The following SORCS2 variants were observed in gnomAD, a reference collection of about 807,000 sequenced individuals.
SORCS2 encodes VPS10 domain-containing receptor SorCS2.
Under a neutral mutation model 141.6 loss-of-function variants are expected in SORCS2, and 100 were observed. The ratio of observed to expected loss-of-function variants is 0.71; its 90% CI spans 0.60 to 0.83. The LOEUF (loss-of-function observed/expected upper bound fraction) is 0.83, where lower values mean the gene tolerates loss of function less well. Among genes scored for constraint, SORCS2 ranks in the 40% least tolerant of loss-of-function variants. The pLI, the probability that SORCS2 is intolerant of heterozygous loss-of-function variation, is 0.00. For synonymous variants in SORCS2, 789 were observed against 676.9 expected, an observed-to-expected ratio of 1.17 and a Z score of -2.57; for missense variants, 1,646 against 1,560.2, an observed-to-expected ratio of 1.05 and a Z score of -0.93.
At chr4:7,545,037 G>C (rs758341382) in intron 3 of SORCS2, among the ~76,000 whole-genome samples, 1 of 151,990 alleles carries the variant, frequency 6.6e-6, no homozygotes, top group Admixed American at 6.5e-5. Flanking sequence ...TTGGTATACA[G>C]AGCTTTTGTC....
chr4:7,699,174 G>A (rs183528403), intron 12 of SORCS2, among the ~76,000 whole-genome samples: 1 of 152,194 alleles, frequency 6.6e-6, no homozygotes, highest in Non-Finnish European at 1.5e-5. Flanking sequence ...AAAGGGTGAA[G>A]TGGGGACAGG....
chr4:7,442,657 C>T (rs62277605), intron 2 of SORCS2, among the ~76,000 whole-genome samples: 13,917 of 129,522 alleles, frequency 0.11, 1,102 homozygotes, highest in Non-Finnish European at 0.13. Context: ...TCTGCCCTGC[C>T]GCAGAGGTCA....
rs116029190 is a variant in SORCS2, at chr4:7,620,402, G to T, written c.649-17926G>T. ...CATCCTGCTCCTGCCTGCAGCCCACGCTGTGGAGTCCCACCCTGGGGATAC... is the reference window on the plus strand; with the variant it reads ...CATCCTGCTCCTGCCTGCAGCCCACTCTGTGGAGTCCCACCCTGGGGATAC... On this transcript the variant is annotated intron_variant, in intron 3 of 26. Transcript: ENST00000507866. Among the ~76,000 whole-genome samples the T allele has an allele frequency of 2.6e-3, 389 of 152,264 alleles. 4 individuals carry two copies. Among genetic ancestry groups the T allele is most frequent in the Non-Finnish European group, 3.9e-3 (262 of 68,022 alleles).
chr4:7,734,323 T>C lies in SORCS2; in HGVS notation c.3260T>C (p.Phe1087Ser), dbSNP rs536926497. 28 of 1,601,176 alleles carry C rather than the reference T, an allele frequency of 1.7e-5. No homozygotes were observed. In the East Asian group the frequency reaches 5.6e-4, roughly 32 times the overall value. ...GGCTACTGGGCGGTAGTGGTGCTGT[T>C]TGTCATCGGGCTCTTCGCAGCGGGA... ...GGGYWAVVVL[F>S]VIGLFAAGAF... Residue 1087 changes from phenylalanine (F) to serine (S), a missense_variant, in exon 25 of 27, where the codon TTT becomes TCT. By Grantham distance (155) the Phe-to-Ser change is radical. Coordinates refer to ENST00000507866, the MANE Select transcript of SORCS2 (RefSeq NM_020777.3).
In SORCS2 at chr4:7,446,993, C is replaced by T. The variant is rs367576188; in HGVS notation, c.548+50638C>T. 3.9e-5 allele frequency among the ~76,000 whole-genome samples: 6 copies of T among 152,364 alleles called. No individual in the cohort carries two copies. The East Asian group carries it at 7.7e-4, about 20-fold the overall frequency. On this transcript the variant is annotated intron_variant, in intron 2 of 26. Coordinates refer to ENST00000507866, the MANE Select transcript of SORCS2 (RefSeq NM_020777.3). ...TGTCTCTGAGCCTGGCTCACCTCCT[C>T]ACCCCACTGTGCTGAGATACATCCG...
intron 3 of SORCS2, among the ~76,000 whole-genome samples, chr4:7,534,980 G>A (rs1038910714): frequency 6.6e-6 from 1 of 152,202 alleles, no homozygotes; most frequent in Non-Finnish European, 1.5e-5. Flanking sequence ...CACCCACATT[G>A]TTCTGCCCAC....
intron 9 of SORCS2, 100 bp from the exon 10 acceptor site, chr4:7,682,643 A>C (rs1340344394): frequency 8.4e-7 from 1 of 1,191,108 alleles, no homozygotes; most frequent in African/African-American, 1.5e-5. Flanking sequence ...ATGAGGCCAC[A>C]TGTGCAGAGC....
intron 1 of SORCS2, among the ~76,000 whole-genome samples, chr4:7,349,838 T>C (rs1341751830): frequency 1.3e-5 from 2 of 152,192 alleles, no homozygotes; most frequent in Non-Finnish European, 2.9e-5. Context: ...TCACTCTAAC[T>C]GGACATAACG....
intron 17 of SORCS2, 60 bp from the exon 18 acceptor site, chr4:7,717,952 T>C: frequency 6.7e-7 from 1 of 1,490,672 alleles, no homozygotes; most frequent in Non-Finnish European, 8.9e-7. Context: ...CCCCAGACTA[T>C]GGGGCCCCAT....
At chr4:7,572,914 C>T (rs888596483) in intron 3 of SORCS2, among the ~76,000 whole-genome samples, 65 of 152,296 alleles carry the variant, frequency 4.3e-4, no homozygotes, top group African/African-American at 1.4e-3. Context: ...TTATAAGCGA[C>T]GGACAACATT....
At chr4:7,508,256 G>A (rs1455902324) in intron 2 of SORCS2, among the ~76,000 whole-genome samples, 1 of 134,176 alleles carries the variant, frequency 7.5e-6, no homozygotes, top group Non-Finnish European at 1.6e-5. Context: ...AGGGAGGGAG[G>A]GGGAGAGGGA....
chr4:7,634,667 A>C (rs1447229480), intron 3 of SORCS2, among the ~76,000 whole-genome samples: 3 of 152,206 alleles, frequency 2.0e-5, no homozygotes, highest in Non-Finnish European at 4.4e-5. Flanking sequence ...GGTAACTCCC[A>C]CACCCCTCAA....
intron 8 of SORCS2, among the ~76,000 whole-genome samples, chr4:7,667,866 G>T (rs1722593449): frequency 6.6e-6 from 1 of 152,200 alleles, no homozygotes; most frequent in Non-Finnish European, 1.5e-5. Context: ...GGAGGTGATG[G>T]AAGTTCAGAG....
chr4:7,262,391 CAT>C (rs1714416183), intron 1 of SORCS2, among the ~76,000 whole-genome samples: 1 of 101,158 alleles, frequency 9.9e-6, no homozygotes, highest in African/African-American at 5.0e-5. Flanking sequence ...TCCATCCATC[CAT>C]CCATCCATCC....
intron 4 of SORCS2, among the ~76,000 whole-genome samples, chr4:7,653,625 C>T (rs1389483356): frequency 6.6e-6 from 1 of 152,174 alleles, no homozygotes; most frequent in South Asian, 2.1e-4. Context: ...GAGCTAGGTC[C>T]CTGGGCGATG....
chr4:7,233,290 C>A lies in SORCS2; in HGVS notation c.480+40164C>A, dbSNP rs1712034203. On this transcript the variant is annotated intron_variant, in intron 1 of 26. Transcript: ENST00000507866. This position sits in a 1 kb window ranked among gnomAD's most constrained non-coding sequence, Gnocchi z 4.5. The stretch of plus-strand genomic sequence containing the variant: ...ACCCAGACACCAACTGTGGACTATG[C>A]CTGCAGAAGCCACGGTGGGGACAGG... Among the ~76,000 whole-genome samples the A allele has an allele frequency of 6.6e-6, 1 of 152,190 alleles. No homozygotes were observed. The highest frequency in any genetic ancestry group is 2.1e-4 in the South Asian group (1 of 4,826).
At position 7,319,211 on chromosome 4, in the gene SORCS2, G is replaced by A. The variant is rs1718749392; in HGVS notation, c.481-77077G>A. ...TTAACATGTCTTGTAATTTTTGGTT[G>A]ATTGTTGGACATTGTGTATAGAAGA... is the stretch of plus-strand genomic sequence containing the variant. On this transcript the variant is annotated intron_variant, in intron 1 of 26. Coordinates refer to ENST00000507866, the MANE Select transcript of SORCS2 (RefSeq NM_020777.3). Among the ~76,000 whole-genome samples the A allele has an allele frequency of 3.3e-5, 5 of 152,008 alleles. No individual in the cohort carries two copies. The South Asian group carries it at 1.0e-3, about 32-fold the overall frequency.
rs774900235 is a variant in SORCS2 at position 7,566,144 on chromosome 4, G to A, written c.648+34515G>A. ...GATGGTGATGATGGTGGTGATGATA[G>A]AGATGATAATGTGATATTGGTGATG... is the stretch of plus-strand genomic sequence containing the variant. On this transcript the variant is annotated intron_variant, in intron 3 of 26. Coordinates refer to ENST00000507866, the MANE Select transcript of SORCS2 (RefSeq NM_020777.3). Among the ~76,000 whole-genome samples, 22 of 150,932 alleles carry A rather than the reference G, an allele frequency of 1.5e-4. 1 individual carries two copies. Among genetic ancestry groups the A allele is most frequent in the Admixed American group, 6.6e-5 (1 of 15,158 alleles).
chr4:7,195,919 G>A (rs1727141585), intron 1 of SORCS2, among the ~76,000 whole-genome samples: 1 of 152,218 alleles, frequency 6.6e-6, no homozygotes, highest in Non-Finnish European at 1.5e-5. Flanking sequence ...AACATGAACA[G>A]AGAGCGTGTT....
Sources: gnomAD v4.1 joint callset for allele counts (sites outside exome capture counted in the v4.1 genomes callset) on GRCh38, gnomAD v4.1.1 for gene constraint, Gnocchi (gnomAD v3.1) non-coding constraint, MANE v1.5 for transcripts, NCBI Gene and HGNC (gene_info 2026-07-23, HGNC 2026-07-21) for gene names.